The following KCNIP4 variants were observed in gnomAD, a reference collection of about 807,000 sequenced individuals.
KCNIP4 encodes the protein Kv channel-interacting protein 4.
KCNIP4 carries 12 observed loss-of-function variants against 34.0 expected under a neutral mutation model. The ratio of observed to expected loss-of-function variants is 0.35; its 90% CI spans 0.23 to 0.57. The LOEUF (loss-of-function observed/expected upper bound fraction) is 0.57. Ranked by LOEUF, KCNIP4 falls within the 20% of genes least tolerant of loss-of-function variation. The pLI is 0.83. For missense variants in KCNIP4, 238 were observed against 311.7 expected, an observed-to-expected ratio of 0.76 and a Z score of 1.78; for synonymous variants, 124 against 102.2, an observed-to-expected ratio of 1.21 and a Z score of -1.29.
At chr4:20,848,738 A>G (rs1720673129) in intron 3 of KCNIP4, among the ~76,000 whole-genome samples, 1 of 152,180 alleles carries the variant, frequency 6.6e-6, no homozygotes, top group Non-Finnish European at 1.5e-5. Context: ...AGGGATGCTG[A>G]GAGATTGGAT....
intron 1 of KCNIP4, among the ~76,000 whole-genome samples, chr4:21,705,553 G>A (rs946122002): frequency 6.6e-6 from 1 of 152,066 alleles, no homozygotes; most frequent in African/African-American, 2.4e-5. Flanking sequence ...AGACAAAATT[G>A]GTGTCTCATG....
chr4:21,125,789 G>A (rs1474876307), intron 1 of KCNIP4, among the ~76,000 whole-genome samples: 3 of 152,048 alleles, frequency 2.0e-5, no homozygotes, highest in Admixed American at 2.0e-4. Flanking sequence ...TTATGATTAA[G>A]GGTGAAGTAA....
At chr4:20,967,174 A>C (rs1237387078) in intron 1 of KCNIP4, among the ~76,000 whole-genome samples, 2 of 152,186 alleles carry the variant, frequency 1.3e-5, no homozygotes, top group Admixed American at 6.5e-5. Context: ...CTTCTTGCTC[A>C]AAGTATGCAT....
At chr4:21,921,753 T>G (rs1728951696) in intron 1 of KCNIP4, among the ~76,000 whole-genome samples, 1 of 152,190 alleles carries the variant, frequency 6.6e-6, no homozygotes, top group South Asian at 2.1e-4. Flanking sequence ...TCTAATGTAG[T>G]CACCAACACC....
intron 1 of KCNIP4, among the ~76,000 whole-genome samples, chr4:21,609,809 CTG>C (rs1560559367): frequency 3.3e-5 from 5 of 152,304 alleles, no homozygotes; most frequent in African/African-American, 1.2e-4. Flanking sequence ...TGTGCTAAGA[CTG>C]TGTTAATCTA....
At chr4:21,167,505 AATAG>A (rs1465346988) in intron 1 of KCNIP4, among the ~76,000 whole-genome samples, 2 of 152,204 alleles carry the variant, frequency 1.3e-5, no homozygotes, top group Non-Finnish European at 2.9e-5. Context: ...TTTGGCATGG[AATAG>A]ATAGTGTCTT....
chr4:21,411,146 A>G (rs542374122), intron 1 of KCNIP4, among the ~76,000 whole-genome samples: 4 of 152,324 alleles, frequency 2.6e-5, no homozygotes, highest in African/African-American at 9.6e-5. Context: ...GCTTAGGAAG[A>G]GAGGTTCGAT....
In KCNIP4 at chr4:21,263,231, C is replaced by T. The variant is rs577841573; in HGVS notation, c.62-380522G>A. ...ATGCCAGGCAGCACTAAGGTAGAGA[C>T]ACAATATTTTATTAAATCCTAGCAA... On this transcript the variant is annotated intron_variant, in intron 1 of 8. Coordinates refer to ENST00000382152, the MANE Select transcript of KCNIP4 (RefSeq NM_025221.6). Among the ~76,000 whole-genome samples the T allele has an allele frequency of 1.4e-4, 21 of 152,308 alleles. No individual in the cohort carries two copies. The South Asian group carries it at 3.5e-3, about 26-fold the overall frequency.
Position 21,498,035 on chromosome 4 carries a change from A to T in KCNIP4, c.61+450536T>A, listed in dbSNP as rs1403932508. ...TTTGAATTGCCATACTCCTTCAGAA[A>T]GCCCTGGCTTCAAATCTTGACTTTA... is the stretch of plus-strand genomic sequence containing the variant. On this transcript the variant is annotated intron_variant, in intron 1 of 8. Transcript: ENST00000382152. 1.3e-5 allele frequency among the ~76,000 whole-genome samples: 2 copies of T among 152,158 alleles called. 1 individual carries two copies. The highest frequency in any genetic ancestry group is 4.1e-4 in the South Asian group (2 of 4,832).
In KCNIP4 at chr4:21,346,080, T is replaced by TATATTATATAAAACAA. The variant is rs1461577641; in HGVS notation, c.62-463372_62-463371insTTGTTTTATATAATAT. Reference sequence around the variant, plus strand: ...AACTCGGGCAGTGTAATATATATATTTAAGATATTTAAGATATCTTAAATA... The same window carrying TATATTATATAAAACAA: ...AACTCGGGCAGTGTAATATATATATTATATTATATAAAACAATAAGATATTTAAGATATCTTAAATA... On this transcript the variant is annotated intron_variant, in intron 1 of 8. Transcript: ENST00000382152. Among the ~76,000 whole-genome samples, 460 of 127,240 alleles carry TATATTATATAAAACAA rather than the reference T, an allele frequency of 3.6e-3. 3 individuals carry two copies. The highest frequency in any genetic ancestry group is 0.012 in the African/African-American group (422 of 34,550). 83.5% of individuals were successfully genotyped at this position (127,240 alleles called of 152,430 possible).
chr4:21,424,029 C>T (rs887891516), intron 1 of KCNIP4, among the ~76,000 whole-genome samples: 33 of 149,232 alleles, frequency 2.2e-4, no homozygotes, highest in African/African-American at 7.6e-4. Flanking sequence ...CCATGTTGGT[C>T]AGGCTGGTCT....
At chr4:21,046,229 A>G (rs964520977) in intron 1 of KCNIP4, among the ~76,000 whole-genome samples, 3 of 152,234 alleles carry the variant, frequency 2.0e-5, no homozygotes, top group African/African-American at 7.2e-5. Flanking sequence ...AAGAATGAGG[A>G]AACTCATAGA....
chr4:20,973,434 G>A (rs1488554407), intron 1 of KCNIP4, among the ~76,000 whole-genome samples: 2 of 152,204 alleles, frequency 1.3e-5, no homozygotes, highest in Non-Finnish European at 2.9e-5. Context: ...TGAATTAAGG[G>A]AAGGTTGTGG....
At chr4:20,869,451 T>C (rs1233879997) in intron 2 of KCNIP4, among the ~76,000 whole-genome samples, 1 of 151,974 alleles carries the variant, frequency 6.6e-6, no homozygotes, top group East Asian at 1.9e-4. Context: ...ATTAATGATA[T>C]TGTTGTTCAT....
At position 21,147,939 on chromosome 4, in the gene KCNIP4, C is replaced by CAAAAAAAAA. The variant is rs377562727; in HGVS notation, c.62-265239_62-265231dup. Among the ~76,000 whole-genome samples, 166 of 30,870 alleles carry CAAAAAAAAA rather than the reference C, an allele frequency of 5.4e-3. 2 individuals carry two copies. Among genetic ancestry groups the CAAAAAAAAA allele is most frequent in the African/African-American group, 6.9e-3 (59 of 8,556 alleles). The allele number at this position is 30,870 out of a possible 152,430, so 20.3% of individuals were successfully genotyped here. On this transcript the variant is annotated intron_variant, in intron 1 of 8. Coordinates refer to ENST00000382152, the MANE Select transcript of KCNIP4 (RefSeq NM_025221.6). The stretch of plus-strand genomic sequence containing the variant: ...GGACAACAAAAGTGAAACTCCGTCT[C>CAAAAAAAAA]AAAAAAAAAAAAAAAAAAAAAGAAA...
At chr4:21,665,717 A>C (rs933891055) in intron 1 of KCNIP4, among the ~76,000 whole-genome samples, 6 of 152,306 alleles carry the variant, frequency 3.9e-5, no homozygotes, top group African/African-American at 1.2e-4. Flanking sequence ...AATGAACAAG[A>C]TAGCATATCA....
At chr4:21,276,682 T>A (rs1430698443) in intron 1 of KCNIP4, among the ~76,000 whole-genome samples, 2 of 152,184 alleles carry the variant, frequency 1.3e-5, no homozygotes, top group Non-Finnish European at 1.5e-5. Flanking sequence ...CCTTCTTTTT[T>A]TCTAATAGAA....
chr4:21,484,487 C>A (rs1486757528), intron 1 of KCNIP4, among the ~76,000 whole-genome samples: 3 of 152,072 alleles, frequency 2.0e-5, no homozygotes, highest in Non-Finnish European at 1.5e-5. Context: ...TTACATAACT[C>A]ATTAAATGTA....
rs1242040905 is a variant in KCNIP4, at chr4:21,828,236, G to C, written c.61+120335C>G. Among the ~76,000 whole-genome samples the C allele has an allele frequency of 2.0e-5, 3 of 151,608 alleles. No homozygotes were observed. The South Asian group carries it at 6.3e-4, about 32-fold the overall frequency. The stretch of plus-strand genomic sequence containing the variant: ...TAACAATTGAAATTAATAATAAAAT[G>C]ATTAAACGGATTAGACACAGTATAT... On this transcript the variant is annotated intron_variant, in intron 1 of 8. Coordinates refer to ENST00000382152, the MANE Select transcript of KCNIP4 (RefSeq NM_025221.6).
Sources: gnomAD v4.1 joint callset for allele counts (sites outside exome capture counted in the v4.1 genomes callset) on GRCh38, gnomAD v4.1.1 for gene constraint, MANE v1.5 for transcripts, NCBI Gene and HGNC (gene_info 2026-07-23, HGNC 2026-07-21) for gene names.